Variants in CDK19 observed in about 807,000 individuals in gnomAD.
CDK19 encodes the protein cyclin-dependent kinase 19.
Under a neutral mutation model 68.3 loss-of-function variants are expected in CDK19, and 20 were observed. The observed-to-expected ratio is 0.29, with a 90% confidence interval of 0.21 to 0.43. The LOEUF (loss-of-function observed/expected upper bound fraction) is 0.43. CDK19 is among the 20% of genes least tolerant of loss of function. CDK19 has a pLI of 1.00. For missense variants in CDK19, 339 were observed against 623.5 expected (o/e 0.54, Z 4.86); for synonymous variants, 221 against 222.8 (o/e 0.99, Z 0.07).
intron 4 of CDK19, among the ~76,000 whole-genome samples, chr6:110,661,358 G>A (rs1781607056): frequency 1.3e-5 from 2 of 152,184 alleles, no homozygotes; most frequent in African/African-American, 2.4e-5. Context: ...ACTTATGATG[G>A]TTCCAATGAG....
intron 2 of CDK19, among the ~76,000 whole-genome samples, chr6:110,681,202 C>T (rs1235781691): frequency 6.6e-6 from 1 of 151,700 alleles, no homozygotes; most frequent in Non-Finnish European, 1.5e-5. Context: ...AAAAATCAGC[C>T]GAGCGTGGTA....
intron 2 of CDK19, among the ~76,000 whole-genome samples, chr6:110,719,020 AAT>A (rs1347500973): frequency 2.0e-5 from 3 of 152,314 alleles, no homozygotes; most frequent in African/African-American, 7.2e-5. Context: ...ATTTAAGTCA[AAT>A]ATGTATGTAA....
Position 110,815,255 on chromosome 6 carries a change from GCGCCGCCCGCCGC to G in CDK19, c.-132_-120del. On this transcript the variant is annotated 5_prime_UTR_variant, in exon 1 of 13. Transcript: ENST00000368911. ...ACAGCCGCCTCTCGCGCGCGCGCGC[GCGCCGCCCGCCGC>G]CCGCCGCTCCGCGGTCCGCCTTCAG... The G allele has an allele frequency of 8.7e-7, 1 of 1,154,292 alleles. No homozygotes were observed. The highest frequency in any genetic ancestry group is 1.1e-6 in the Non-Finnish European group (1 of 903,606). The allele number at this position is 1,154,292 out of a possible 1,614,324, so 71.5% of individuals were successfully genotyped here.
intron 1 of CDK19, among the ~76,000 whole-genome samples, chr6:110,780,344 C>T (rs1280614470): frequency 2.7e-5 from 4 of 147,154 alleles, no homozygotes. Flanking sequence ...GAGCCAAGAT[C>T]GCACCACTGC....
rs9487507 is a variant in CDK19 at position 110,747,122 on chromosome 6, C to A, written c.129-921G>T. 7.9e-3 allele frequency among the ~76,000 whole-genome samples: 1,197 copies of A among 152,270 alleles called. 25 individuals are homozygous for A. Among genetic ancestry groups the A allele is most frequent in the African/African-American group, 0.028 (1,145 of 41,558 alleles). ...ATATTAGAGCCTCAGCAAAGTATCA[C>A]CATGTCATGATGTTTTTGTCAAATA... is the stretch of plus-strand genomic sequence containing the variant. On this transcript the variant is annotated intron_variant, in intron 1 of 12. Transcript: ENST00000368911.
At chr6:110,662,831 AC>A (rs1781699693) in intron 4 of CDK19, among the ~76,000 whole-genome samples, 1 of 152,150 alleles carries the variant, frequency 6.6e-6, no homozygotes, top group African/African-American at 2.4e-5. Flanking sequence ...CCTCTACTTC[AC>A]TGTCTCTCAG....
intron 2 of CDK19, among the ~76,000 whole-genome samples, chr6:110,718,619 C>T (rs756662376): frequency 1.4e-5 from 2 of 138,474 alleles, no homozygotes; most frequent in Admixed American, 7.9e-5. Flanking sequence ...CAGAGAACCA[C>T]GGAGAAATCT....
intron 4 of CDK19, chr6:110,646,022 G>A: frequency 1.0e-6 from 1 of 956,862 alleles, no homozygotes; most frequent in Non-Finnish European, 1.6e-6. Flanking sequence ...TGCGGTCGCG[G>A]GACCTGCGTG....
Position 110,641,601 on chromosome 6 carries a change from A to G in CDK19, c.457-2895T>C, listed in dbSNP as rs551459418. 4.2e-4 allele frequency among the ~76,000 whole-genome samples: 63 copies of G among 150,188 alleles called. 3 individuals carry two copies. The East Asian group carries it at 0.012, about 29-fold the overall frequency. On this transcript the variant is annotated intron_variant, in intron 4 of 12. Transcript: ENST00000368911. ...CAGAGTGAGACTCCATCAAAAAAAA[A>G]AAAAAAAAAGAAAAAGAAAGGAGAG...
intron 1 of CDK19, among the ~76,000 whole-genome samples, chr6:110,814,327 A>T (rs1022792913): frequency 1.3e-5 from 2 of 152,256 alleles, no homozygotes; most frequent in Non-Finnish European, 2.9e-5. Flanking sequence ...TGCGAAACGC[A>T]GCTAGCCCAT....
chr6:110,686,187 C>T (rs971784784), intron 2 of CDK19, among the ~76,000 whole-genome samples: 3 of 152,012 alleles, frequency 2.0e-5, no homozygotes, highest in Non-Finnish European at 2.9e-5. Context: ...GAAGAGGAGA[C>T]AAAATGGACA....
intron 4 of CDK19, among the ~76,000 whole-genome samples, chr6:110,649,728 T>C (rs1264998890): frequency 6.6e-6 from 1 of 152,168 alleles, no homozygotes; most frequent in Admixed American, 6.5e-5. Flanking sequence ...GTTTAACCAA[T>C]ACACATATTA....
chr6:110,711,399 G>A (rs776987551), intron 2 of CDK19, among the ~76,000 whole-genome samples: 2 of 152,060 alleles, frequency 1.3e-5, no homozygotes, highest in African/African-American at 2.4e-5. Flanking sequence ...TTTCAAAAGG[G>A]TATTTGAATT....
intron 2 of CDK19, among the ~76,000 whole-genome samples, chr6:110,690,599 G>GA (rs1772901284): frequency 6.6e-6 from 1 of 152,070 alleles, no homozygotes; most frequent in Non-Finnish European, 1.5e-5. Flanking sequence ...AAATACTGGG[G>GA]AAAAAATAAA....
chr6:110,646,316 G>T, intron 4 of CDK19: 1 of 1,485,964 alleles, frequency 6.7e-7, no homozygotes, highest in South Asian at 1.3e-5. Context: ...GCGACTACCT[G>T]CGCGAACGGG....
intron 2 of CDK19, among the ~76,000 whole-genome samples, chr6:110,721,696 C>A (rs1293792767): frequency 6.6e-6 from 1 of 152,108 alleles, no homozygotes; most frequent in Non-Finnish European, 1.5e-5. Context: ...CCGGGCATGG[C>A]AGCTCACGCC....
chr6:110,708,726 C>A (rs1375778758), intron 2 of CDK19, among the ~76,000 whole-genome samples: 1 of 152,076 alleles, frequency 6.6e-6, no homozygotes, highest in Non-Finnish European at 1.5e-5. Context: ...GATGTAAATT[C>A]TTCTGCATTC....
chr6:110,623,743 T>TATATATACATATATATATACAC (rs1562129603), intron 8 of CDK19, among the ~76,000 whole-genome samples: 1 of 136,124 alleles, frequency 7.3e-6, no homozygotes, highest in African/African-American at 2.8e-5. Flanking sequence ...GGCCAATATA[T>TATATATACATATATATATACAC]ATATATATAC....
intron 2 of CDK19, among the ~76,000 whole-genome samples, chr6:110,735,336 A>C (rs546601356): frequency 3.9e-5 from 6 of 152,268 alleles, no homozygotes; most frequent in Admixed American, 1.3e-4. Context: ...TATCAAAACA[A>C]ATACCACTCC....
Sources: allele counts gnomAD v4.1 joint callset (sites outside exome capture counted in the v4.1 genomes callset), GRCh38; gene constraint gnomAD v4.1.1; transcripts MANE v1.5; gene names NCBI Gene and HGNC (gene_info 2026-07-23, HGNC 2026-07-21).